SPC25: variants seen among roughly 807,000 people sequenced by gnomAD.
The protein encoded by SPC25 is SPC25 component of NDC80 kinetochore complex, also known as kinetochore protein Spc25.
Under a neutral mutation model 29.6 loss-of-function variants are expected in SPC25, and 22 were observed. The observed-to-expected ratio is 0.74, with a 90% CI of 0.53 to 1.06. The LOEUF is 1.06. Ranked by LOEUF, SPC25 falls within the 50% of genes least tolerant of loss-of-function variation. The pLI is 0.00. For synonymous variants in SPC25, 91 were observed against 90.4 expected (o/e 1.01, Z -0.04); for missense variants, 230 against 255.8 (o/e 0.90, Z 0.69).
chr2:168,873,762 C>G (rs1690038102), intron 5 of SPC25, 79 bp from the exon 6 acceptor site: 1 of 889,128 alleles, frequency 1.1e-6, no homozygotes, highest in Admixed American at 1.8e-5. Context: ...TGATCAATAT[C>G]TGCACTGCTA....
chr2:168,889,382 G>A lies in SPC25; in HGVS notation c.133+5C>T, dbSNP rs751825373. 1.2e-6 allele frequency: 2 copies of A among 1,613,992 alleles called. No homozygotes were observed. The highest frequency in any genetic ancestry group is 2.2e-5 in the South Asian group (2 of 91,078). On this transcript the variant is annotated splice_donor_5th_base_variant and intron_variant, in intron 2 of 6. Transcript: ENST00000282074. ...ACCAGCATGTTACAAGTTAACACTAGGTACCTGCAAATGCTTTGATGGAAT... is the reference window on the plus strand; with the variant it reads ...ACCAGCATGTTACAAGTTAACACTAAGTACCTGCAAATGCTTTGATGGAAT...
At chr2:168,886,177 C>G (rs2105836603) in intron 3 of SPC25, among the ~76,000 whole-genome samples, 1 of 151,174 alleles carries the variant, frequency 6.6e-6, no homozygotes, top group East Asian at 2.0e-4. Flanking sequence ...TCTCAGCCTC[C>G]TGAGTAGCTG....
At chr2:168,888,043 C>A (rs1690300002) in intron 3 of SPC25, among the ~76,000 whole-genome samples, 1 of 152,086 alleles carries the variant, frequency 6.6e-6, no homozygotes, top group Non-Finnish European at 1.5e-5. Flanking sequence ...CTTTGGGCAG[C>A]CAAAGTGAGC....
At chr2:168,878,646 T>C (rs896484546) in intron 3 of SPC25, among the ~76,000 whole-genome samples, 16 of 152,172 alleles carry the variant, frequency 1.1e-4, no homozygotes, top group Admixed American at 9.2e-4. Context: ...CTCAGAAAAA[T>C]CTACTGAAAA....
intron 3 of SPC25, among the ~76,000 whole-genome samples, chr2:168,884,071 C>T (rs1415020546): frequency 2.0e-5 from 3 of 152,016 alleles, no homozygotes; most frequent in Admixed American, 2.0e-4. Context: ...ACCTGGCCTG[C>T]TGTGTGACTA....
At chr2:168,867,122 T>G (rs566156697), downstream of SPC25, among the ~76,000 whole-genome samples, 1 of 152,284 alleles carries the variant, frequency 6.6e-6, no homozygotes, top group East Asian at 1.9e-4. Context: ...ATCCCATTAC[T>G]GAGTATATAC....
chr2:168,887,421 C>CAAAAAAA (rs5836211), intron 3 of SPC25, among the ~76,000 whole-genome samples: 3 of 131,420 alleles, frequency 2.3e-5, no homozygotes, highest in African/African-American at 8.6e-5. Flanking sequence ...GACTCCATCT[C>CAAAAAAA]AAAAAAAAAA....
chr2:168,890,130 T>TTC (rs1360390928), intron 1 of SPC25, among the ~76,000 whole-genome samples, 188 bp downstream of exon 1: 3 of 152,150 alleles, frequency 2.0e-5, no homozygotes, highest in Admixed American at 6.5e-5. Flanking sequence ...CAAAGATACC[T>TTC]CCTGCAGTGA....
rs999062582 is a variant in SPC25 at position 168,889,649 on chromosome 2, T to A, written c.-14-116A>T. 8 of 1,072,928 alleles carry A rather than the reference T, an allele frequency of 7.5e-6. No homozygotes were observed. The East Asian group carries it at 2.1e-4, about 28-fold the overall frequency. 66.5% of individuals were successfully genotyped at this position (1,072,928 alleles called of 1,614,324 possible). Reference sequence around the variant, plus strand: ...TCCTTTGCTAGAAAATAGCAACTTATCTTTAATTCTAGGTATTCAAGGGTA... The same window carrying A: ...TCCTTTGCTAGAAAATAGCAACTTAACTTTAATTCTAGGTATTCAAGGGTA... On this transcript the variant is annotated intron_variant, in intron 1 of 6. Coordinates refer to ENST00000282074, the MANE Select transcript of SPC25 (RefSeq NM_020675.4).
At chr2:168,862,158 C>T (rs1321343309) in intron 4 of SPC25, 1 of 888,732 alleles carries the variant, frequency 1.1e-6, no homozygotes, top group Admixed American at 2.2e-5. Flanking sequence ...CATGTCAAAT[C>T]AGTTCACCCT....
intron 4 of SPC25, among the ~76,000 whole-genome samples, chr2:168,863,917 A>ATT (rs556775882): frequency 0.021 from 3,117 of 147,790 alleles, 82 homozygotes; most frequent in African/African-American, 0.071. Context: ...ATCTTTTTTT[A>ATT]TTTTTTTTTT....
At chr2:168,869,675 G>A (rs1316216191), downstream of SPC25, among the ~76,000 whole-genome samples, 4 of 152,146 alleles carry the variant, frequency 2.6e-5, no homozygotes, top group Non-Finnish European at 5.9e-5. Context: ...TCTTCAAGGA[G>A]AACTACAACC....
chr2:168,872,796 A>T (rs892443295), intron 6 of SPC25, among the ~76,000 whole-genome samples: 1 of 152,164 alleles, frequency 6.6e-6, no homozygotes, highest in African/African-American at 2.4e-5. Flanking sequence ...AAACATCTGT[A>T]TAAGAAATCA....
Position 168,877,235 on chromosome 2 carries a change from T to C in SPC25, c.346+3A>G. 6.2e-7 allele frequency: 1 copy of C among 1,612,432 alleles called. No homozygotes were observed. The highest frequency in any genetic ancestry group is 1.7e-4 in the Middle Eastern group (1 of 5,736). On this transcript the variant is annotated splice_donor_region_variant and intron_variant, in intron 4 of 6. Coordinates refer to ENST00000282074, the MANE Select transcript of SPC25 (RefSeq NM_020675.4). The stretch of plus-strand genomic sequence containing the variant: ...ATCAGTATGTTTATAAGAGGAAACT[T>C]ACTTTCCTTCTTCCTAGAATATTCT...
Position 168,889,530 on chromosome 2 carries a change from A to C in SPC25, c.-11T>G. On this transcript the variant is annotated 5_prime_UTR_variant, in exon 2 of 7. In the 5' UTR this introduces an upstream ATG that the reference lacks. Transcript: ENST00000282074. ...TTCGTCCTCTACCATTATGTAGGACAATGCTAAAAACAGAATACATATTGC... is the reference window on the plus strand; with the variant it reads ...TTCGTCCTCTACCATTATGTAGGACCATGCTAAAAACAGAATACATATTGC... 1 of 1,610,654 alleles carries C rather than the reference A, an allele frequency of 6.2e-7. No individual in the cohort carries two copies. The highest frequency in any genetic ancestry group is 1.3e-5 in the African/African-American group (1 of 74,996).
In SPC25 at chr2:168,871,267, A is replaced by T. The variant is rs1248693692; in HGVS notation, c.*164T>A. ...ATATACCTAATGAAATGACGAGTTA[A>T]TGGGTGCAGCACACCAATATGGCAC... On this transcript the variant is annotated 3_prime_UTR_variant, in exon 7 of 7. Transcript: ENST00000282074. 7.9e-6 allele frequency: 4 copies of T among 505,080 alleles called. No individual in the cohort carries two copies. The highest frequency in any genetic ancestry group is 1.3e-5 in the Non-Finnish European group (4 of 305,932). 31.3% of individuals were successfully genotyped at this position (505,080 alleles called of 1,614,324 possible).
At chr2:168,879,555 T>C (rs866338034) in intron 3 of SPC25, among the ~76,000 whole-genome samples, 48 of 152,204 alleles carry the variant, frequency 3.2e-4, no homozygotes, top group Non-Finnish European at 2.4e-4. Flanking sequence ...GTAGTTACTT[T>C]CTCCATTGAA....
At chr2:168,869,937 C>A (rs1447257735), downstream of SPC25, among the ~76,000 whole-genome samples, 1 of 152,086 alleles carries the variant, frequency 6.6e-6, no homozygotes, top group African/African-American at 2.4e-5. Flanking sequence ...AGAGGCATCA[C>A]GCTACCTGAC....
downstream of SPC25, among the ~76,000 whole-genome samples, chr2:168,868,595 A>T (rs1273099402): frequency 2.0e-5 from 3 of 152,342 alleles, no homozygotes; most frequent in East Asian, 3.9e-4. Flanking sequence ...CAAATAAACT[A>T]GAAAATCTAG....
Sources: gnomAD v4.1 joint callset for allele counts (sites outside exome capture counted in the v4.1 genomes callset) on GRCh38, gnomAD v4.1.1 for gene constraint, MANE v1.5 for transcripts, NCBI Gene and HGNC (gene_info 2026-07-23, HGNC 2026-07-21) for gene names.